Variants in COL19A1 observed in about 807,000 individuals in gnomAD.
The protein encoded by COL19A1 is collagen alpha-1(XIX) chain.
In COL19A1, 159 loss-of-function variants were observed where a neutral mutation model predicts 190.2. The observed-to-expected ratio is 0.84, with a 90% CI of 0.73 to 0.95. The LOEUF is 0.95. Ranked by LOEUF, COL19A1 falls within the 40% of genes least tolerant of loss-of-function variation. The pLI, the probability that COL19A1 is intolerant of heterozygous loss-of-function variation, is 0.00. For synonymous variants in COL19A1, 509 were observed against 458.9 expected, an observed-to-expected ratio of 1.11 and a Z score of -1.39; for missense variants, 1,418 against 1,431.9, an observed-to-expected ratio of 0.99 and a Z score of 0.16.
At chr6:70,067,675 G>T (rs1374168330) in intron 14 of COL19A1, among the ~76,000 whole-genome samples, 1 of 152,062 alleles carries the variant, frequency 6.6e-6, no homozygotes, top group Non-Finnish European at 1.5e-5. Context: ...AGAAGAAAAT[G>T]AGACAAAAAT....
intron 15 of COL19A1, 146 bp from the exon 16 acceptor site, chr6:70,102,023 T>C (rs1783662040): frequency 1.4e-6 from 1 of 713,784 alleles, no homozygotes; most frequent in Non-Finnish European, 2.4e-6. Context: ...GCTTTTAAAA[T>C]TGATATTTAA....
chr6:69,923,525 AT>A (rs753221332), intron 4 of COL19A1, among the ~76,000 whole-genome samples: 8 of 152,206 alleles, frequency 5.3e-5, no homozygotes, highest in Non-Finnish European at 1.2e-4. Context: ...GTGGACATTA[AT>A]TGAAAATAAT....
intron 15 of COL19A1, chr6:70,098,457 G>A (rs1027080079): frequency 2.7e-5 from 14 of 509,290 alleles, no homozygotes; most frequent in Non-Finnish European, 4.3e-5. Context: ...CAGAATCCAC[G>A]CCTGAATCTG....
At chr6:70,204,073 C>G (rs1337270891) in intron 49 of COL19A1, among the ~76,000 whole-genome samples, 1 of 152,154 alleles carries the variant, frequency 6.6e-6, no homozygotes, top group East Asian at 1.9e-4. Flanking sequence ...GTTGGCCAGG[C>G]TGGTCTTGAA....
chr6:70,084,379 A>G (rs1392324299), intron 15 of COL19A1, among the ~76,000 whole-genome samples: 6 of 152,170 alleles, frequency 3.9e-5, no homozygotes, highest in Non-Finnish European at 8.8e-5. Context: ...TGCTCCCTCA[A>G]TAGCCATATT....
Position 70,151,397 on chromosome 6 carries a change from A to G in COL19A1, c.2038A>G (p.Ile680Val), listed in dbSNP as rs753651095. 1.2e-6 allele frequency: 2 copies of G among 1,612,670 alleles called. No homozygotes were observed. Among genetic ancestry groups the G allele is most frequent in the East Asian group, 4.5e-5 (2 of 44,810 alleles). ...TTTGGTTTTATCTTCTTAACCACAG[A>G]TTGCACTTCCTCTCTTGGGAGACAT... ...PGLPGPPGDP[I>V]ALPLLGDIGA... Residue 680 changes from isoleucine to valine, a missense_variant and splice_region_variant, in exon 31 of 51, where the codon ATT becomes GTT. By Grantham distance (29) the Ile-to-Val change is conservative. Transcript: ENST00000620364.
intron 14 of COL19A1, 34 bp downstream of exon 14, chr6:70,035,973 A>G: frequency 6.3e-7 from 1 of 1,598,806 alleles, no homozygotes; most frequent in Non-Finnish European, 8.6e-7. Flanking sequence ...TCAAAATTGA[A>G]ATCCATTATT....
intron 16 of COL19A1, among the ~76,000 whole-genome samples, chr6:70,102,749 T>G (rs1392903273): frequency 6.6e-6 from 1 of 152,192 alleles, no homozygotes; most frequent in African/African-American, 2.4e-5. Context: ...TTCAATTTCT[T>G]GTAGTTCTGG....
At chr6:69,980,104 C>CA (rs1196554068) in intron 11 of COL19A1, among the ~76,000 whole-genome samples, 7 of 151,850 alleles carry the variant, frequency 4.6e-5, no homozygotes, top group African/African-American at 1.7e-4. Context: ...TAAAAATAGT[C>CA]AAAAATTTTT....
chr6:69,928,213 T>C (rs937216674), intron 5 of COL19A1, among the ~76,000 whole-genome samples, 181 bp downstream of exon 5: 4 of 152,062 alleles, frequency 2.6e-5, no homozygotes, highest in Admixed American at 6.6e-5. Flanking sequence ...CTGAGATCCA[T>C]AATATGAGAG....
chr6:70,162,520 T>C (rs1473808322), intron 35 of COL19A1, among the ~76,000 whole-genome samples: 2 of 152,188 alleles, frequency 1.3e-5, no homozygotes, highest in East Asian at 3.8e-4. Flanking sequence ...TCAAACAGTT[T>C]AATTCTAGAG....
intron 15 of COL19A1, among the ~76,000 whole-genome samples, chr6:70,086,382 A>C (rs1782593547): frequency 6.6e-6 from 1 of 152,162 alleles, no homozygotes; most frequent in African/African-American, 2.4e-5. Flanking sequence ...ATGAAACAGA[A>C]AGATAATGTA....
At chr6:70,074,387 T>C (rs1781739468) in intron 15 of COL19A1, among the ~76,000 whole-genome samples, 1 of 149,864 alleles carries the variant, frequency 6.7e-6, no homozygotes, top group Non-Finnish European at 1.5e-5. Context: ...TAATCTCAGC[T>C]ACTCGGGAGA....
intron 6 of COL19A1, among the ~76,000 whole-genome samples, chr6:69,932,392 T>C (rs1300483245): frequency 6.6e-6 from 1 of 151,834 alleles, no homozygotes; most frequent in Non-Finnish European, 1.5e-5. Context: ...TCTCATCATG[T>C]GCTCATATCT....
chr6:70,038,392 T>G (rs1323116629), intron 14 of COL19A1, among the ~76,000 whole-genome samples: 1 of 152,236 alleles, frequency 6.6e-6, no homozygotes, highest in Non-Finnish European at 1.5e-5. Context: ...AACCATTATT[T>G]ATGGGAACTA....
chr6:70,002,260 G>T (rs377198995), intron 11 of COL19A1, among the ~76,000 whole-genome samples: 1 of 152,116 alleles, frequency 6.6e-6, no homozygotes, highest in Non-Finnish European at 1.5e-5. Context: ...TGCTGGATTC[G>T]GTTTGCCAGT....
intron 14 of COL19A1, among the ~76,000 whole-genome samples, chr6:70,056,471 T>G (rs1266583406): frequency 6.6e-6 from 1 of 152,208 alleles, no homozygotes; most frequent in African/African-American, 2.4e-5. Flanking sequence ...AGGGACATTT[T>G]CTACATTTCC....
intron 36 of COL19A1, 47 bp from the exon 37 acceptor site, chr6:70,165,893 TG>T: frequency 1.3e-6 from 2 of 1,554,256 alleles, no homozygotes; most frequent in Non-Finnish European, 1.8e-6. Context: ...TTTGTAAACC[TG>T]GGGTAGAAAC....
intron 18 of COL19A1, among the ~76,000 whole-genome samples, chr6:70,134,935 T>G (rs1785751479): frequency 6.6e-6 from 1 of 151,898 alleles, no homozygotes; most frequent in Non-Finnish European, 1.5e-5. Context: ...CCCACAATGC[T>G]GCCTTCCACT....
Sources: allele counts gnomAD v4.1 joint callset (sites outside exome capture counted in the v4.1 genomes callset), GRCh38; gene constraint gnomAD v4.1.1; transcripts MANE v1.5; gene names NCBI Gene and HGNC (gene_info 2026-07-23, HGNC 2026-07-21).